Variants in ARL15 observed in about 807,000 individuals in gnomAD.
ARL15 encodes ARF like GTPase 15.
ARL15 carries 19 observed loss-of-function variants against 25.2 expected under a neutral mutation model. The ratio of observed to expected loss-of-function variants is 0.75; its 90% CI spans 0.53 to 1.10. The LOEUF (loss-of-function observed/expected upper bound fraction) is 1.10. Among genes scored for constraint, ARL15 ranks in the 50% least tolerant of loss-of-function variants. The pLI is 0.00. For missense variants in ARL15, 220 were observed against 246.0 expected (o/e 0.89, Z 0.71); for synonymous variants, 94 against 86.8 (o/e 1.08, Z -0.46).
At chr5:54,123,391 G>A (rs181834313) in intron 3 of ARL15, among the ~76,000 whole-genome samples, 11 of 152,288 alleles carry the variant, frequency 7.2e-5, no homozygotes, top group Admixed American at 3.3e-4. Context: ...TTACAGGCGT[G>A]AGCCAACGCA....
chr5:53,897,494 C>T (rs757792374), intron 4 of ARL15, among the ~76,000 whole-genome samples: 3 of 152,094 alleles, frequency 2.0e-5, no homozygotes, highest in Admixed American at 6.6e-5. Flanking sequence ...ATTTATTGGT[C>T]GGGTTCTACT....
chr5:54,067,693 G>A (rs1391705173), intron 4 of ARL15, among the ~76,000 whole-genome samples: 1 of 152,156 alleles, frequency 6.6e-6, no homozygotes, highest in African/African-American at 2.4e-5. Context: ...CTCTCAGCAT[G>A]AACCATCGTC....
In ARL15 at chr5:53,945,275, A is replaced by G. The variant is rs1318210050; in HGVS notation, c.463-58562T>C. ...AGCTTCTACATCACTATTACGTTGC[A>G]ACTGTGAACACGGACATGTTTGTCG... On this transcript the variant is annotated intron_variant, in intron 4 of 4. Transcript: ENST00000504924. Among the ~76,000 whole-genome samples the G allele has an allele frequency of 2.6e-5, 4 of 152,340 alleles. No individual in the cohort carries two copies. The East Asian group carries it at 7.7e-4, about 29-fold the overall frequency.
chr5:54,190,998 T>C (rs1328931226), intron 1 of ARL15, among the ~76,000 whole-genome samples: 1 of 152,180 alleles, frequency 6.6e-6, no homozygotes. Flanking sequence ...GGAAGAGTTG[T>C]TTGTACACTC....
At chr5:54,204,946 T>TC (rs1256015412) in intron 1 of ARL15, among the ~76,000 whole-genome samples, 8 of 151,538 alleles carry the variant, frequency 5.3e-5, no homozygotes, top group Non-Finnish European at 1.5e-5. Context: ...TTTTTTTTTT[T>TC]TCCTTGAGAT....
At chr5:54,068,423 C>T (rs189118806) in intron 4 of ARL15, among the ~76,000 whole-genome samples, 8 of 152,260 alleles carry the variant, frequency 5.3e-5, no homozygotes, top group African/African-American at 1.9e-4. Context: ...TATGGAAAAT[C>T]GACCACAACC....
intron 1 of ARL15, among the ~76,000 whole-genome samples, chr5:54,174,243 T>A (rs1754801228): frequency 6.6e-6 from 1 of 152,056 alleles, no homozygotes; most frequent in Non-Finnish European, 1.5e-5. Context: ...AAAGAAAACA[T>A]AGAGACTAAC....
chr5:53,896,849 T>C (rs890254381), intron 4 of ARL15, among the ~76,000 whole-genome samples: 1 of 152,186 alleles, frequency 6.6e-6, no homozygotes, highest in Non-Finnish European at 1.5e-5. Context: ...ATTGACAAGT[T>C]AAGCCCTTTC....
intron 4 of ARL15, among the ~76,000 whole-genome samples, chr5:53,981,792 A>C (rs920763283): frequency 6.6e-6 from 1 of 151,250 alleles, no homozygotes; most frequent in Non-Finnish European, 1.5e-5. Flanking sequence ...CCAGTTACTC[A>C]GGAGGCTGAG....
intron 1 of ARL15, among the ~76,000 whole-genome samples, chr5:54,189,702 G>C (rs548666115): frequency 6.6e-6 from 1 of 151,998 alleles, no homozygotes; most frequent in South Asian, 2.1e-4. Flanking sequence ...TAGAAACATA[G>C]AAAGTTTTTT....
chr5:54,037,371 A>C (rs1166105158), intron 4 of ARL15, among the ~76,000 whole-genome samples: 1 of 152,116 alleles, frequency 6.6e-6, no homozygotes, highest in Admixed American at 6.5e-5. Flanking sequence ...GATAAAGAAA[A>C]AGTTTACATA....
intron 1 of ARL15, among the ~76,000 whole-genome samples, chr5:54,283,870 A>C (rs78045530): frequency 3.3e-5 from 5 of 152,230 alleles, no homozygotes; most frequent in African/African-American, 1.2e-4. Context: ...AGGTGCTTAA[A>C]GGGAACTGAC....
At chr5:54,310,267 G>C in intron 1 of ARL15, 165 bp downstream of exon 1, 1 of 722,332 alleles carries the variant, frequency 1.4e-6, no homozygotes, top group Admixed American at 3.0e-5. Flanking sequence ...CCTGGAGGCT[G>C]CCCCTCCGAG....
chr5:54,265,183 T>A (rs1369917544), intron 1 of ARL15, among the ~76,000 whole-genome samples: 1 of 152,206 alleles, frequency 6.6e-6, no homozygotes, highest in Non-Finnish European at 1.5e-5. Flanking sequence ...CCAACTCTTT[T>A]TGCTGATCCC....
chr5:54,291,182 G>C (rs1758309337), intron 1 of ARL15, among the ~76,000 whole-genome samples: 1 of 152,148 alleles, frequency 6.6e-6, no homozygotes, highest in Non-Finnish European at 1.5e-5. Context: ...ACCTGGGTTT[G>C]AACCATTCAA....
intron 1 of ARL15, among the ~76,000 whole-genome samples, chr5:54,268,928 G>A (rs1015663357): frequency 1.4e-4 from 22 of 152,068 alleles, no homozygotes; most frequent in African/African-American, 5.1e-4. Context: ...CTAGGGACAT[G>A]GATGAAATTG....
intron 1 of ARL15, among the ~76,000 whole-genome samples, chr5:54,185,958 A>C (rs1241881194): frequency 6.6e-6 from 1 of 152,192 alleles, no homozygotes; most frequent in Non-Finnish European, 1.5e-5. Context: ...ACACAGAGGC[A>C]GTCCATTTGG....
intron 1 of ARL15, among the ~76,000 whole-genome samples, chr5:54,237,493 G>A (rs1036979937): frequency 2.0e-5 from 3 of 152,150 alleles, no homozygotes; most frequent in African/African-American, 7.2e-5. Flanking sequence ...GATCAGACAG[G>A]TAGATCAATA....
At position 53,991,566 on chromosome 5, in the gene ARL15, G is replaced by A. The variant is rs1208280672; in HGVS notation, c.463-104853C>T. Among the ~76,000 whole-genome samples the A allele has an allele frequency of 1.4e-5, 2 of 146,118 alleles. 1 individual carries two copies. The highest frequency in any genetic ancestry group is 4.4e-4 in the South Asian group (2 of 4,534). ...TCAAAAAAAAAAAAAAAAAAAGGGG[G>A]GGCGGGGGGCAATTGAAGCAATGAG... On this transcript the variant is annotated intron_variant, in intron 4 of 4. Coordinates refer to ENST00000504924, the MANE Select transcript of ARL15 (RefSeq NM_019087.3).
Sources: allele counts gnomAD v4.1 joint callset (sites outside exome capture counted in the v4.1 genomes callset), GRCh38; gene constraint gnomAD v4.1.1; transcripts MANE v1.5; gene names NCBI Gene and HGNC (gene_info 2026-07-23, HGNC 2026-07-21).